Variants in ECPAS observed in about 807,000 individuals in gnomAD.
The protein encoded by ECPAS is Ecm29 proteasome adaptor and scaffold, also known as proteasome adapter and scaffold protein ECM29.
ECPAS carries 70 observed loss-of-function variants against 255.1 expected under a neutral mutation model. The observed-to-expected ratio is 0.27, with a 90% CI of 0.23 to 0.33. The LOEUF (loss-of-function observed/expected upper bound fraction) is 0.33, where lower values mean the gene tolerates loss of function less well. Ranked by LOEUF, ECPAS falls within the 10% of genes least tolerant of loss-of-function variation. The pLI is 1.00. For missense variants in ECPAS, 1,817 were observed against 2,206.4 expected (o/e 0.82, Z 3.54); for synonymous variants, 784 against 775.0 (o/e 1.01, Z -0.19).
intron 1 of ECPAS, among the ~76,000 whole-genome samples, chr9:111,476,141 T>C (rs1355955118): frequency 6.6e-6 from 1 of 152,216 alleles, no homozygotes; most frequent in African/African-American, 2.4e-5. Context: ...AGTGCATCCT[T>C]CAAGATTATA....
At chr9:111,442,552 TC>T in intron 4 of ECPAS, 128 bp from the exon 5 acceptor site, 1 of 629,520 alleles carries the variant, frequency 1.6e-6, no homozygotes, top group Non-Finnish European at 2.7e-6. Flanking sequence ...TCATCCTCCC[TC>T]CACGTTTATT....
intron 1 of ECPAS, among the ~76,000 whole-genome samples, chr9:111,480,005 CA>C (rs2098302102): frequency 2.1e-5 from 3 of 145,358 alleles, no homozygotes; most frequent in African/African-American, 5.0e-5. Flanking sequence ...AAAACTTTAA[CA>C]ATTTTTAAAA....
At position 111,442,331 on chromosome 9, in the gene ECPAS, C is replaced by A; in HGVS notation, c.364G>T (p.Gly122Trp). 1 of 1,612,322 alleles carries A rather than the reference C, an allele frequency of 6.2e-7. No homozygotes were observed. The highest frequency in any genetic ancestry group is 8.5e-7 in the Non-Finnish European group (1 of 1,179,074). The change falls in exon 5 of 50, where the codon GGG becomes TGG. Residue 122 changes from glycine (G) to tryptophan (W), a missense_variant. This residue lies in a region of ECPAS where 90 missense variants were observed against 158.5 expected (regional missense o/e 0.57). Transcript: ENST00000684092. ...CTATCCTGCTGTGGCTGAGGCTTCC[C>A]TTCCATGGCAGTAAGAAGCGTAGGG... The part of the protein sequence containing the change: ...LAPTLLTAME[G>W]KPQPQQDSLM...
At position 111,383,249 on chromosome 9, in the gene ECPAS, T is replaced by C; in HGVS notation, c.3765A>G (p.Lys1255=). Residue 1255 remains lysine, a synonymous_variant, in exon 35 of 50, where the codon AAA becomes AAG. Transcript: ENST00000684092. ...CTTCCGTCACGGTGCTCATCATTCCTTTGTCCAGAAGGCAAGGCAGAAGGG... is the reference window on the plus strand; with the variant it reads ...CTTCCGTCACGGTGCTCATCATTCCCTTGTCCAGAAGGCAAGGCAGAAGGG... ...IAALLPCLLD[K]GMMSTVTEVR... 6.2e-7 allele frequency: 1 copy of C among 1,613,794 alleles called. No individual in the cohort carries two copies. Among genetic ancestry groups the C allele is most frequent in the Non-Finnish European group, 8.5e-7 (1 of 1,179,806 alleles).
chr9:111,437,022 G>C lies in ECPAS; in HGVS notation c.626C>G (p.Pro209Arg). Residue 209 changes from proline (P) to arginine (R), a missense_variant, in exon 7 of 50, where the codon CCA becomes CGA. By Grantham distance (103) the Pro-to-Arg change is moderately radical (BLOSUM62 -2). Transcript: ENST00000684092. Reference protein sequence around the residue: ...SSNSGGGSGIPQPPPGMSFYA... With the variant: ...SSNSGGGSGIRQPPPGMSFYA... ...AAAGCTCATTCCCGGAGGAGGCTGT[G>C]GGATTCCAGAACCTCCGCCACTGTT... 6.2e-7 allele frequency: 1 copy of C among 1,613,104 alleles called. No homozygotes were observed. Among genetic ancestry groups the C allele is most frequent in the South Asian group, 1.1e-5 (1 of 90,914 alleles).
chr9:111,466,258 C>G (rs2098279407), intron 2 of ECPAS, among the ~76,000 whole-genome samples: 1 of 151,914 alleles, frequency 6.6e-6, no homozygotes, highest in Non-Finnish European at 1.5e-5. Context: ...CCAGCCAGGC[C>G]AACATGGTGA....
intron 21 of ECPAS, 78 bp downstream of exon 21, chr9:111,411,936 C>A: frequency 7.7e-7 from 1 of 1,291,860 alleles, no homozygotes; most frequent in South Asian, 1.7e-5. Flanking sequence ...CAAATGAGAA[C>A]ATAAAAGTCA....
intron 9 of ECPAS, among the ~76,000 whole-genome samples, chr9:111,429,711 A>G (rs1268681601): frequency 1.3e-5 from 2 of 152,228 alleles, no homozygotes; most frequent in Admixed American, 6.5e-5. Context: ...TGGTTTAAAA[A>G]GCAAAAAGGC....
rs764951854 is a variant in ECPAS, at chr9:111,378,740, T to C, written c.3804-10A>G. On this transcript the variant is annotated splice_polypyrimidine_tract_variant and intron_variant, in intron 35 of 49. Coordinates refer to ENST00000684092, the MANE Select transcript of ECPAS (RefSeq NM_001364929.1). ...CACAAGGGTGTTAATGCTACAAACA[T>C]ATGGAACACAACTCCTGAGTCCTTT... The C allele has an allele frequency of 1.2e-6, 2 of 1,602,002 alleles. No individual in the cohort carries two copies. Among genetic ancestry groups the C allele is most frequent in the African/African-American group, 1.3e-5 (1 of 74,742 alleles).
intron 25 of ECPAS, 38 bp from the exon 26 acceptor site, chr9:111,394,343 TAACTC>T (rs759538199): frequency 6.1e-6 from 9 of 1,464,364 alleles, no homozygotes; most frequent in East Asian, 2.4e-5. Context: ...AGAATTAAAA[TAACTC>T]AACATAGTTT....
At chr9:111,407,430 A>AAAAAAAAAAAAAAAAAAAAAAG in intron 24 of ECPAS, among the ~76,000 whole-genome samples, 1 of 146,250 alleles carries the variant, frequency 6.8e-6, no homozygotes, top group Non-Finnish European at 1.5e-5. Flanking sequence ...AAAAAAAAAA[A>AAAAAAAAAAAAAAAAAAAAAAG]AAAAAAAACC....
intron 12 of ECPAS, 31 bp downstream of exon 12, chr9:111,425,387 G>A: frequency 7.4e-7 from 1 of 1,360,334 alleles, no homozygotes; most frequent in Non-Finnish European, 1.0e-6. Flanking sequence ...GATATAAAAT[G>A]TTGATAAAAT....
intron 20 of ECPAS, among the ~76,000 whole-genome samples, chr9:111,412,496 A>G (rs961308711): frequency 6.6e-6 from 1 of 152,254 alleles, no homozygotes; most frequent in African/African-American, 2.4e-5. Context: ...CAGACAATAC[A>G]CAATGAATGA....
intron 8 of ECPAS, 25 bp from the exon 9 acceptor site, chr9:111,430,653 G>A (rs957925700): frequency 1.3e-6 from 2 of 1,488,260 alleles, no homozygotes; most frequent in South Asian, 1.2e-5. Flanking sequence ...AACACAGGTT[G>A]TTAAAATTAT....
intron 38 of ECPAS, among the ~76,000 whole-genome samples, chr9:111,374,435 G>A (rs2098131058): frequency 6.6e-6 from 1 of 152,034 alleles, no homozygotes; most frequent in Non-Finnish European, 1.5e-5. Context: ...GTTCCTTGAT[G>A]GAGTAAAATA....
intron 36 of ECPAS, among the ~76,000 whole-genome samples, chr9:111,377,688 C>A (rs531021777): frequency 4.6e-5 from 7 of 152,256 alleles, no homozygotes; most frequent in South Asian, 4.1e-4. Context: ...GGTTTGGTAG[C>A]CTATGACTAA....
intron 1 of ECPAS, among the ~76,000 whole-genome samples, chr9:111,473,787 C>A (rs2098292572): frequency 6.6e-6 from 1 of 152,040 alleles, no homozygotes; most frequent in African/African-American, 2.4e-5. Context: ...GGCAACATAG[C>A]CAAACCCCGT....
intron 41 of ECPAS, 135 bp downstream of exon 41, chr9:111,373,031 CAAAA>C: frequency 2.6e-6 from 2 of 776,136 alleles, no homozygotes; most frequent in Non-Finnish European, 4.2e-6. Context: ...GACACCATCT[CAAAA>C]AAAAAGAAAA....
At chr9:111,400,561 A>G (rs545859989) in intron 24 of ECPAS, among the ~76,000 whole-genome samples, 6 of 152,340 alleles carry the variant, frequency 3.9e-5, no homozygotes, top group Non-Finnish European at 7.3e-5. Flanking sequence ...TCAGAAACTT[A>G]TAAGAGAAAT....
Sources: allele counts gnomAD v4.1 joint callset (sites outside exome capture counted in the v4.1 genomes callset), GRCh38; gene constraint gnomAD v4.1.1; regional missense constraint gnomAD v4.1.1; transcripts MANE v1.5; gene names NCBI Gene and HGNC (gene_info 2026-07-23, HGNC 2026-07-21).